ABCB8: variants seen among roughly 807,000 people sequenced by gnomAD.
The protein encoded by ABCB8 is mitochondrial potassium channel ATP-binding subunit.
In ABCB8, 52 loss-of-function variants were observed where a neutral mutation model predicts 73.0. The ratio of observed to expected loss-of-function variants is 0.71; its 90% CI spans 0.57 to 0.90. The LOEUF is 0.90. Ranked by LOEUF, ABCB8 falls within the 40% of genes least tolerant of loss-of-function variation. The pLI, the probability that ABCB8 is intolerant of heterozygous loss-of-function variation, is 0.00. For missense variants in ABCB8, 909 were observed against 974.6 expected, an observed-to-expected ratio of 0.93 and a Z score of 0.90; for synonymous variants, 428 against 423.5, an observed-to-expected ratio of 1.01 and a Z score of -0.13.
At chr7:151,043,386 A>G (rs1286215241) in intron 14 of ABCB8, among the ~76,000 whole-genome samples, 1 of 149,912 alleles carries the variant, frequency 6.7e-6, no homozygotes. Context: ...AGGAGTGTAC[A>G]CAGTGTGGGG....
chr7:151,028,462 G>A lies in ABCB8; in HGVS notation c.-54G>A. On this transcript the variant is annotated 5_prime_UTR_variant, in exon 1 of 16. In the 5' UTR this introduces an upstream ATG that the reference lacks. Coordinates refer to ENST00000358849, the MANE Select transcript of ABCB8 (RefSeq NM_007188.5). ...GGCGGGAGCCAACATAGAGCCCTCA[G>A]TGGGATGAGGGTGAAACTGCTATTG... The A allele has an allele frequency of 6.4e-7, 1 of 1,565,816 alleles. No individual in the cohort carries two copies. The highest frequency in any genetic ancestry group is 8.6e-7 in the Non-Finnish European group (1 of 1,156,384).
At chr7:151,035,424 A>ACG (rs1796276051) in intron 5 of ABCB8, among the ~76,000 whole-genome samples, 157 bp from the exon 6 acceptor site, 1 of 152,204 alleles carries the variant, frequency 6.6e-6, no homozygotes, top group East Asian at 1.9e-4. Context: ...AGTTAGGGTT[A>ACG]CGTACTGTGA....
intron 12 of ABCB8, 84 bp downstream of exon 12, chr7:151,041,006 TG>T: frequency 6.2e-7 from 1 of 1,608,356 alleles, no homozygotes; most frequent in Non-Finnish European, 8.5e-7. Flanking sequence ...GAGCCCCCGG[TG>T]GGGTCCCTTC....
Position 151,036,055 on chromosome 7 carries a change from A to G in ABCB8, c.1014-18A>G, listed in dbSNP as rs1190772327. The G allele has an allele frequency of 6.2e-7, 1 of 1,613,094 alleles. No individual in the cohort carries two copies. ...GCCAGCCCAGCTGCCTCCTGAATGC[A>G]CTGGTCTCTCTCACCAGGCGCTATG... is the stretch of plus-strand genomic sequence containing the variant. On this transcript the variant is annotated intron_variant, in intron 7 of 15. Coordinates refer to ENST00000358849, the MANE Select transcript of ABCB8 (RefSeq NM_007188.5).
chr7:151,039,851 G>A (rs972638369), intron 9 of ABCB8: 3 of 174,680 alleles, frequency 1.7e-5, no homozygotes, highest in East Asian at 3.5e-4. Flanking sequence ...GGCGGCCTCC[G>A]CATCCTCAGG....
At chr7:151,039,273 CT>C in intron 9 of ABCB8, 1 of 144,322 alleles carries the variant, frequency 6.9e-6, no homozygotes, top group East Asian at 2.0e-4. Flanking sequence ...GGGCTGGCTC[CT>C]TCCTGCCTGG....
At position 151,035,685 on chromosome 7, in the gene ABCB8, A is replaced by C; in HGVS notation, c.870A>C (p.Gly290=). Reference sequence around the variant, plus strand: ...TGGTGGCCACACCAGCCCTGATGGGAGTGGGCACCCTGATGGGCTCAGGCC... The same window carrying C: ...TGGTGGCCACACCAGCCCTGATGGGCGTGGGCACCCTGATGGGCTCAGGCC... ...LLMVATPALM[G]VGTLMGSGLR... is the part of the protein sequence containing the mutation. Residue 290 remains glycine, a synonymous_variant, in exon 6 of 16, where the codon GGA becomes GGC. Transcript: ENST00000358849. The C allele has an allele frequency of 6.2e-7, 1 of 1,613,542 alleles. No individual in the cohort carries two copies. The highest frequency in any genetic ancestry group is 8.5e-7 in the Non-Finnish European group (1 of 1,179,982).
chr7:151,043,256 TC>T (rs1482506849), intron 14 of ABCB8, among the ~76,000 whole-genome samples: 20 of 152,152 alleles, frequency 1.3e-4, no homozygotes, highest in African/African-American at 4.8e-5. Flanking sequence ...ATTTGGCAAC[TC>T]CCTTGGAGTG....
Position 151,044,222 on chromosome 7 carries a change from G to C in ABCB8, c.2016+1G>C. On this transcript the variant is annotated splice_donor_variant, in intron 15 of 15. Coordinates refer to ENST00000358849, the MANE Select transcript of ABCB8 (RefSeq NM_007188.5). LOFTEE classifies it high-confidence loss of function. ...CATGGCCGATGGCCGTGTCTGGGAG[G>C]TTAGTTGTCCTGGGGGCGTGGATCA... 6.3e-7 allele frequency: 1 copy of C among 1,597,098 alleles called. No individual in the cohort carries two copies. The highest frequency in any genetic ancestry group is 8.6e-7 in the Non-Finnish European group (1 of 1,166,742).
chr7:151,028,912 G>A, intron 1 of ABCB8: 1 of 1,427,352 alleles, frequency 7.0e-7, no homozygotes, highest in Non-Finnish European at 9.3e-7. Flanking sequence ...GGCCCTGGAG[G>A]TGATTGCGCG....
In ABCB8 at chr7:151,036,058, G is replaced by A; in HGVS notation, c.1014-15G>A. 6.2e-7 allele frequency: 1 copy of A among 1,613,072 alleles called. No individual in the cohort carries two copies. Reference sequence around the variant, plus strand: ...AGCCCAGCTGCCTCCTGAATGCACTGGTCTCTCTCACCAGGCGCTATGGGG... The same window carrying A: ...AGCCCAGCTGCCTCCTGAATGCACTAGTCTCTCTCACCAGGCGCTATGGGG... On this transcript the variant is annotated splice_polypyrimidine_tract_variant and intron_variant, in intron 7 of 15. Coordinates refer to ENST00000358849, the MANE Select transcript of ABCB8 (RefSeq NM_007188.5).
chr7:151,028,666 C>T, intron 1 of ABCB8, 56 bp downstream of exon 1: 2 of 1,576,310 alleles, frequency 1.3e-6, no homozygotes, highest in East Asian at 2.3e-5. Flanking sequence ...CAGGGCAGTG[C>T]CGGCCCGCCG....
At chr7:151,040,355 C>T (rs938015595) in intron 10 of ABCB8, 54 bp downstream of exon 10, 165 of 1,604,558 alleles carry the variant, frequency 1.0e-4, no homozygotes, top group Non-Finnish European at 1.4e-4. Context: ...GCCGTGTGTG[C>T]CGCTGTGGGA....
chr7:151,034,928 C>A, intron 5 of ABCB8, 99 bp downstream of exon 5: 1 of 1,052,146 alleles, frequency 9.5e-7, no homozygotes, highest in Non-Finnish European at 1.4e-6. Flanking sequence ...GTTGGGCTGA[C>A]AGGCGCATGC....
chr7:151,031,420 G>A (rs1796159330), intron 1 of ABCB8: 11 of 1,291,280 alleles, frequency 8.5e-6, no homozygotes, highest in East Asian at 2.6e-5. Flanking sequence ...TGAAAGCAGG[G>A]GAAGGATGAG....
Position 151,033,896 on chromosome 7 carries a change from G to C in ABCB8, c.387G>C (p.Leu129=). The change falls in exon 2 of 16, where the codon CTG becomes CTC. Residue 129 remains leucine (L), a synonymous_variant. Transcript: ENST00000358849. The part of the protein sequence containing the change: ...LFWQFLHPHL[L]VLGVAVVLAL... ...GGCAGTTTCTGCACCCCCACCTGCT[G>C]GTCCTGGGGGTAGCCGTCGTGGTGA... is the stretch of plus-strand genomic sequence containing the variant. The C allele has an allele frequency of 6.2e-7, 1 of 1,603,028 alleles. No homozygotes were observed. The highest frequency in any genetic ancestry group is 1.1e-5 in the South Asian group (1 of 90,216).
chr7:151,029,816 A>C (rs2117197250), intron 1 of ABCB8: 1 of 152,196 alleles, frequency 6.6e-6, no homozygotes, highest in South Asian at 2.1e-4. Context: ...CATCCTTTCT[A>C]ATCCTAGAGT....
In ABCB8 at chr7:151,034,796, G is replaced by A; in HGVS notation, c.732G>A (p.Glu244=). Residue 244 remains glutamate, a synonymous_variant, in exon 5 of 16, where the codon GAG becomes GAA. Coordinates refer to ENST00000358849, the MANE Select transcript of ABCB8 (RefSeq NM_007188.5). ...LVSRLTTDVQ[E]FKSSFKLVIS... is the part of the protein sequence containing the mutation. ...GCCGCTTGACAACTGACGTGCAGGAGTTTAAGTCATCCTTCAAGCTTGTCA... is the reference window on the plus strand; with the variant it reads ...GCCGCTTGACAACTGACGTGCAGGAATTTAAGTCATCCTTCAAGCTTGTCA... The A allele has an allele frequency of 6.2e-7, 1 of 1,614,034 alleles. No homozygotes were observed. Among genetic ancestry groups the A allele is most frequent in the Non-Finnish European group, 8.5e-7 (1 of 1,179,968 alleles).
chr7:151,041,989 T>A lies in ABCB8; in HGVS notation c.1646T>A (p.Met549Lys). ...CCCGTCCTGTTTGGGACGACCATCA[T>A]GGAAAACATCCGCTTTGGGAAGCTG... is the stretch of plus-strand genomic sequence containing the variant. ...QEPVLFGTTI[M>K]ENIRFGKLEA... The change falls in exon 14 of 16, where the codon ATG becomes AAG. Residue 549 changes from methionine to lysine, a missense_variant. Physicochemically the swap from Met to Lys is moderately conservative, Grantham distance 95 (BLOSUM62 -1). Coordinates refer to ENST00000358849, the MANE Select transcript of ABCB8 (RefSeq NM_007188.5). 6.2e-7 allele frequency: 1 copy of A among 1,612,966 alleles called. No homozygotes were observed. The highest frequency in any genetic ancestry group is 2.2e-5 in the East Asian group (1 of 44,878).
Sources: gnomAD v4.1 joint callset for allele counts (sites outside exome capture counted in the v4.1 genomes callset) on GRCh38, gnomAD v4.1.1 for gene constraint, MANE v1.5 for transcripts, NCBI Gene and HGNC (gene_info 2026-07-23, HGNC 2026-07-21) for gene names.